The following CUX1 variants were observed in gnomAD, a reference collection of about 807,000 sequenced individuals.
CUX1 encodes the protein protein CASP.
In CUX1, 31 loss-of-function variants were observed where a neutral mutation model predicts 158.8. The observed-to-expected ratio is 0.20, with a 90% CI of 0.15 to 0.26. The LOEUF (loss-of-function observed/expected upper bound fraction) is 0.26, where lower values mean the gene tolerates loss of function less well. Among genes scored for constraint, CUX1 ranks in the 10% least tolerant of loss-of-function variants. CUX1 has a pLI of 1.00. For synonymous variants in CUX1, 879 were observed against 862.1 expected, an observed-to-expected ratio of 1.02 and a Z score of -0.34; for missense variants, 1,589 against 2,014.6, an observed-to-expected ratio of 0.79 and a Z score of 4.04.
chr7:101,922,914 A>C (rs1805128460), intron 2 of CUX1, among the ~76,000 whole-genome samples: 1 of 152,246 alleles, frequency 6.6e-6, no homozygotes, highest in Non-Finnish European at 1.5e-5. Flanking sequence ...GTGGTGTTAG[A>C]ATCATGTATG....
chr7:102,127,848 G>GT (rs1174366566), intron 8 of CUX1, among the ~76,000 whole-genome samples: 1 of 125,516 alleles, frequency 8.0e-6, no homozygotes, highest in South Asian at 2.5e-4. Flanking sequence ...TTGTTTGTTT[G>GT]TTTGTTTTGT....
At chr7:101,964,255 A>C (rs997475748) in intron 2 of CUX1, among the ~76,000 whole-genome samples, 4 of 152,146 alleles carry the variant, frequency 2.6e-5, no homozygotes, top group African/African-American at 4.8e-5. Flanking sequence ...CAGGAGGCTG[A>C]GGCAGGAGAA....
intron 7 of CUX1, chr7:102,112,028 G>A (rs1554490290): frequency 2.6e-6 from 1 of 391,840 alleles, no homozygotes; most frequent in East Asian, 4.2e-5. Flanking sequence ...CGCCATCCTT[G>A]CTTCCTGCTC....
intron 8 of CUX1, among the ~76,000 whole-genome samples, chr7:102,136,245 C>T (rs1681845012): frequency 6.6e-6 from 1 of 152,046 alleles, no homozygotes; most frequent in Non-Finnish European, 1.5e-5. Context: ...ATAAGTGCCA[C>T]ACTCTTGATG....
chr7:101,969,979 C>CA (rs2129190002), intron 2 of CUX1, among the ~76,000 whole-genome samples: 1 of 73,880 alleles, frequency 1.4e-5, no homozygotes, highest in East Asian at 4.2e-4. Flanking sequence ...CCGGAGTTAG[C>CA]ACCAAAAAAA....
At chr7:101,995,096 A>G (rs1159096526) in intron 2 of CUX1, among the ~76,000 whole-genome samples, 3 of 152,218 alleles carry the variant, frequency 2.0e-5, no homozygotes, top group Admixed American at 2.0e-4. Flanking sequence ...CCCTGTCTCA[A>G]AATTAAAAGA....
Position 102,250,974 on chromosome 7 carries a change from A to AT in CUX1, c.*1941dup, listed in dbSNP as rs199857640. The AT allele has an allele frequency of 4.9e-4, 460 of 937,004 alleles. 1 individual carries two copies. Among genetic ancestry groups the AT allele is most frequent in the Admixed American group, 3.1e-3 (50 of 15,960 alleles). The allele number at this position is 937,004 out of a possible 1,614,324, so 58.0% of individuals were successfully genotyped here. ...ATAGATGATTTCGGTATATATATATATTTTTTTTTGCTTATTTATAGGTGC... is the reference window on the plus strand; with the variant it reads ...ATAGATGATTTCGGTATATATATATATTTTTTTTTTGCTTATTTATAGGTGC... On this transcript the variant is annotated 3_prime_UTR_variant, in exon 24 of 24. Coordinates refer to ENST00000292535, the MANE Select transcript of CUX1 (RefSeq NM_181552.4).
chr7:102,178,904 G>C (rs1792707487), intron 11 of CUX1, among the ~76,000 whole-genome samples: 1 of 152,146 alleles, frequency 6.6e-6, no homozygotes, highest in African/African-American at 2.4e-5. Flanking sequence ...TCGCTCTGTT[G>C]CCCAGGCTAG....
intron 3 of CUX1, among the ~76,000 whole-genome samples, chr7:102,066,666 C>A (rs1036595686): frequency 6.6e-6 from 1 of 152,174 alleles, no homozygotes; most frequent in South Asian, 2.1e-4. Flanking sequence ...TCAAGCGGTA[C>A]GGACAGCAGC....
chr7:102,253,883 C>G lies in CUX1; in HGVS notation c.*4841C>G. 1.0e-6 allele frequency: 1 copy of G among 985,694 alleles called. No individual in the cohort carries two copies. Among genetic ancestry groups the G allele is most frequent in the African/African-American group, 1.7e-5 (1 of 57,344 alleles). 61.1% of individuals were successfully genotyped at this position (985,694 alleles called of 1,614,324 possible). On this transcript the variant is annotated 3_prime_UTR_variant, in exon 24 of 24. Transcript: ENST00000292535. ...CTGTGCTGCCGGTGGGGGGCCCTGTCCCTCCCCAGATGTCCTCCCTCTTCT... is the reference window on the plus strand; with the variant it reads ...CTGTGCTGCCGGTGGGGGGCCCTGTGCCTCCCCAGATGTCCTCCCTCTTCT...
chr7:101,816,561 G>A (rs1415225490), upstream of CUX1, among the ~76,000 whole-genome samples: 2 of 141,612 alleles, frequency 1.4e-5, no homozygotes, highest in African/African-American at 5.0e-5. Context: ...GCCGCGGCCC[G>A]GCGGTGGCGC....
At chr7:102,132,325 A>G (rs62484860) in intron 8 of CUX1, among the ~76,000 whole-genome samples, 511 of 1,288 alleles carry the variant, frequency 0.4, 10 homozygotes, top group Middle Eastern at 0.5. Flanking sequence ...GCGCGCGCGC[A>G]CGCCACGCAC....
intron 11 of CUX1, among the ~76,000 whole-genome samples, chr7:102,180,649 A>G (rs1271324476): frequency 1.4e-5 from 2 of 143,904 alleles, no homozygotes; most frequent in East Asian, 4.0e-4. Context: ...TTTTTTTTTT[A>G]ATTGAAATTT....
intron 1 of CUX1, among the ~76,000 whole-genome samples, chr7:101,881,427 C>T (rs147749385): frequency 3.3e-5 from 5 of 152,326 alleles, no homozygotes; most frequent in East Asian, 1.9e-4. Flanking sequence ...TAATTTTCAT[C>T]GCTGGCAGGC....
rs1372193745 is a variant in CUX1 at position 102,249,118 on chromosome 7, G to T, written c.*76G>T. The stretch of plus-strand genomic sequence containing the variant: ...CGGGGTCGGACGGGGCAGGCGCTGC[G>T]GACACCGTGGCCTGGGCTTGGCCCG... On this transcript the variant is annotated 3_prime_UTR_variant, in exon 24 of 24. Coordinates refer to ENST00000292535, the MANE Select transcript of CUX1 (RefSeq NM_181552.4). 1.2e-5 allele frequency: 14 copies of T among 1,181,120 alleles called. No homozygotes were observed. Among genetic ancestry groups the T allele is most frequent in the South Asian group, 3.8e-5 (1 of 26,198 alleles). The allele number at this position is 1,181,120 out of a possible 1,614,324, so 73.2% of individuals were successfully genotyped here.
At chr7:101,860,201 A>T (rs761392018) in intron 1 of CUX1, among the ~76,000 whole-genome samples, 15 of 152,192 alleles carry the variant, frequency 9.9e-5, no homozygotes, top group Non-Finnish European at 2.1e-4. Flanking sequence ...CAGATTCTTA[A>T]GAAAATGTTT....
chr7:101,876,331 TA>T (rs1311899112), intron 1 of CUX1, among the ~76,000 whole-genome samples: 7 of 106,436 alleles, frequency 6.6e-5, no homozygotes, highest in East Asian at 2.2e-4. Context: ...GGCGACAGAT[TA>T]AAAAAAAAAC....
Position 102,250,861 on chromosome 7 carries a change from C to T in CUX1, c.*1819C>T. ...GTGCACACGTAGAGTGCATTACTGCCACCTTTTTCAATAAGCTGTTTTATC... is the reference window on the plus strand; with the variant it reads ...GTGCACACGTAGAGTGCATTACTGCTACCTTTTTCAATAAGCTGTTTTATC... On this transcript the variant is annotated 3_prime_UTR_variant, in exon 24 of 24. Coordinates refer to ENST00000292535, the MANE Select transcript of CUX1 (RefSeq NM_181552.4). 1.0e-6 allele frequency: 1 copy of T among 985,398 alleles called. No individual in the cohort carries two copies. Among genetic ancestry groups the T allele is most frequent in the South Asian group, 4.7e-5 (1 of 21,286 alleles). 61.0% of individuals were successfully genotyped at this position (985,398 alleles called of 1,614,324 possible).
chr7:102,259,125 C>T (rs1470619478), downstream of CUX1, among the ~76,000 whole-genome samples: 1 of 152,220 alleles, frequency 6.6e-6, no homozygotes. Context: ...CCCAATTCAA[C>T]TGGATTCAAT....
Sources: gnomAD v4.1 joint callset for allele counts (sites outside exome capture counted in the v4.1 genomes callset) on GRCh38, gnomAD v4.1.1 for gene constraint, MANE v1.5 for transcripts, NCBI Gene and HGNC (gene_info 2026-07-23, HGNC 2026-07-21) for gene names.